The following SCLT1 variants were observed in gnomAD, a reference collection of about 807,000 sequenced individuals.
SCLT1 encodes the protein sodium channel and clathrin linker 1, also known as sodium channel-associated protein 1.
SCLT1 carries 78 observed loss-of-function variants against 112.8 expected under a neutral mutation model. The observed-to-expected ratio is 0.69, with a 90% CI of 0.58 to 0.83. SCLT1 has a LOEUF of 0.83. Ranked by LOEUF, SCLT1 falls within the 40% of genes least tolerant of loss-of-function variation. SCLT1 has a pLI of 0.00. For missense variants in SCLT1, 747 were observed against 770.4 expected, an observed-to-expected ratio of 0.97 and a Z score of 0.36; for synonymous variants, 257 against 254.7, an observed-to-expected ratio of 1.01 and a Z score of -0.09.
intron 18 of SCLT1, among the ~76,000 whole-genome samples, chr4:128,922,597 T>C (rs961519699): frequency 4.6e-5 from 7 of 152,072 alleles, no homozygotes; most frequent in African/African-American, 1.7e-4. Context: ...GAGAGCTAAA[T>C]ATTGAGTATA....
intron 5 of SCLT1, among the ~76,000 whole-genome samples, chr4:129,028,633 T>G (rs564445671): frequency 2.0e-5 from 3 of 152,236 alleles, no homozygotes; most frequent in East Asian, 1.9e-4. Context: ...ACTTCATGTC[T>G]AAAACACCAA....
chr4:129,016,518 G>A (rs2126113812), intron 5 of SCLT1, among the ~76,000 whole-genome samples: 1 of 152,312 alleles, frequency 6.6e-6, no homozygotes, highest in South Asian at 2.1e-4. Context: ...ATGTTACCAT[G>A]TTAGCGTCAA....
At chr4:129,026,857 G>C (rs1035025243) in intron 5 of SCLT1, among the ~76,000 whole-genome samples, 11 of 152,168 alleles carry the variant, frequency 7.2e-5, no homozygotes, top group Non-Finnish European at 1.5e-4. Flanking sequence ...AATAAAAAAT[G>C]ATAAAGGGGA....
chr4:129,086,291 C>A (rs940483851), intron 1 of SCLT1, among the ~76,000 whole-genome samples: 2 of 137,836 alleles, frequency 1.5e-5, no homozygotes, highest in Non-Finnish European at 3.1e-5. Context: ...TCCTGGATAC[C>A]TGAAGATGCT....
chr4:129,074,642 T>A (rs1448199355), intron 2 of SCLT1, among the ~76,000 whole-genome samples: 1 of 152,182 alleles, frequency 6.6e-6, no homozygotes, highest in Non-Finnish European at 1.5e-5. Flanking sequence ...AAAGGAATAA[T>A]TTAAAGAATT....
intron 18 of SCLT1, among the ~76,000 whole-genome samples, chr4:128,913,628 T>C (rs532418049): frequency 2.0e-5 from 3 of 152,246 alleles, no homozygotes; most frequent in Admixed American, 2.0e-4. Flanking sequence ...AGACGAGTTA[T>C]ATTTAAACAG....
At chr4:129,087,803 C>T (rs1184435000) in intron 1 of SCLT1, among the ~76,000 whole-genome samples, 1 of 149,234 alleles carries the variant, frequency 6.7e-6, no homozygotes, top group African/African-American at 2.5e-5. Context: ...AGCAAAAAAC[C>T]TTCATAGGTT....
chr4:129,058,790 G>C (rs758488086), intron 2 of SCLT1, among the ~76,000 whole-genome samples: 2 of 152,092 alleles, frequency 1.3e-5, no homozygotes, highest in African/African-American at 2.4e-5. Flanking sequence ...CCAATGCTGA[G>C]AGTGGGGTGT....
At chr4:129,041,397 C>T (rs1747683330) in intron 4 of SCLT1, among the ~76,000 whole-genome samples, 1 of 152,082 alleles carries the variant, frequency 6.6e-6, no homozygotes, top group African/African-American at 2.4e-5. Flanking sequence ...GAGAAATAAC[C>T]TTGGAAATGA....
chr4:129,066,481 T>G (rs1410734661), intron 2 of SCLT1, among the ~76,000 whole-genome samples: 5 of 151,994 alleles, frequency 3.3e-5, no homozygotes, highest in Non-Finnish European at 5.9e-5. Context: ...AGAATGAAAA[T>G]TATTGCAACC....
downstream of SCLT1, among the ~76,000 whole-genome samples, chr4:128,883,154 C>CAAAAAA (rs1412985271): frequency 8.0e-5 from 3 of 37,470 alleles, no homozygotes; most frequent in African/African-American, 1.6e-4. Context: ...ACAACAACAA[C>CAAAAAA]AACAAAAAAA....
chr4:128,999,867 C>T (rs1387953380), intron 6 of SCLT1, 73 bp from the exon 7 acceptor site: 17 of 953,188 alleles, frequency 1.8e-5, no homozygotes, highest in Non-Finnish European at 2.6e-5. Flanking sequence ...GGATCATTTT[C>T]TTTTATAGAA....
intron 9 of SCLT1, among the ~76,000 whole-genome samples, chr4:128,990,873 A>G (rs1422428514): frequency 6.6e-6 from 1 of 151,806 alleles, no homozygotes; most frequent in Non-Finnish European, 1.5e-5. Context: ...ACAAAAAACC[A>G]AAGAAGTAAA....
chr4:129,002,473 A>G (rs1283713430), intron 6 of SCLT1, among the ~76,000 whole-genome samples: 1 of 152,120 alleles, frequency 6.6e-6, no homozygotes, highest in Non-Finnish European at 1.5e-5. Context: ...TCTGAAAACA[A>G]TATCAGAAAA....
At chr4:129,018,960 G>C (rs12509933) in intron 5 of SCLT1, among the ~76,000 whole-genome samples, 13,399 of 151,936 alleles carry the variant, frequency 0.088, 754 homozygotes, top group South Asian at 0.15. Flanking sequence ...AATAAATATT[G>C]TCCTATCAGA....
intron 2 of SCLT1, among the ~76,000 whole-genome samples, chr4:129,063,506 A>G (rs1750181769): frequency 6.6e-6 from 1 of 152,196 alleles, no homozygotes; most frequent in South Asian, 2.1e-4. Context: ...TCTAAATCCC[A>G]AAGAGTTGTG....
chr4:128,966,814 T>C (rs1337558442), intron 10 of SCLT1, among the ~76,000 whole-genome samples: 1 of 152,124 alleles, frequency 6.6e-6, no homozygotes, highest in Non-Finnish European at 1.5e-5. Context: ...GCATTTGAAA[T>C]ATATTATTCT....
intron 14 of SCLT1, among the ~76,000 whole-genome samples, chr4:128,950,542 G>A (rs1257592540): frequency 6.6e-6 from 1 of 152,048 alleles, no homozygotes; most frequent in Non-Finnish European, 1.5e-5. Context: ...ACCTTTGGGG[G>A]AAAATATGAC....
rs1190317383 is a variant in SCLT1 at position 128,948,573 on chromosome 4, A to G, written c.1219-3T>C. The stretch of plus-strand genomic sequence containing the variant: ...TGGCCTTGTTTTTCAGCACACTCCT[A>G]TAAATTCAAGTCATATTGTAAATAT... On this transcript the variant is annotated splice_region_variant and splice_polypyrimidine_tract_variant and intron_variant, in intron 14 of 20. Transcript: ENST00000281142. 3 of 1,594,000 alleles carry G rather than the reference A, an allele frequency of 1.9e-6. No individual in the cohort carries two copies. Among genetic ancestry groups the G allele is most frequent in the Admixed American group, 3.4e-5 (2 of 59,404 alleles).
Sources: gnomAD v4.1 joint callset for allele counts (sites outside exome capture counted in the v4.1 genomes callset) on GRCh38, gnomAD v4.1.1 for gene constraint, MANE v1.5 for transcripts, NCBI Gene and HGNC (gene_info 2026-07-23, HGNC 2026-07-21) for gene names.